LITAF: variants seen among roughly 807,000 people sequenced by gnomAD.
LITAF encodes the protein lipopolysaccharide-induced tumor necrosis factor-alpha factor.
A neutral mutation model predicts 14.5 loss-of-function variants in LITAF; 9 were observed. The observed-to-expected ratio is 0.62, with a 90% CI of 0.37 to 1.08. LITAF has a LOEUF of 1.08. LITAF is among the 50% of genes least tolerant of loss of function. The pLI is 0.01. For synonymous variants in LITAF, 98 were observed against 88.2 expected (o/e 1.11, Z -0.62); for missense variants, 206 against 213.4 (o/e 0.97, Z 0.22).
chr16:11,579,996 C>T (rs776195402), intron 1 of LITAF, among the ~76,000 whole-genome samples: 14 of 152,174 alleles, frequency 9.2e-5, no homozygotes, highest in Admixed American at 4.6e-4. Context: ...TTGAAATCTA[C>T]AGGTTGATTA....
chr16:11,610,861 G>T (rs1396996928), intron 3 of LITAF, among the ~76,000 whole-genome samples: 1 of 152,100 alleles, frequency 6.6e-6, no homozygotes, highest in Non-Finnish European at 1.5e-5. Context: ...GGTGGGGCTG[G>T]GGAAATGTGA....
intron 3 of LITAF, among the ~76,000 whole-genome samples, chr16:11,609,000 A>G (rs923769736): frequency 6.6e-6 from 1 of 151,186 alleles, no homozygotes; most frequent in Non-Finnish European, 1.5e-5. Flanking sequence ...CGCACCGAGT[A>G]TACAGTTCCA....
chr16:11,609,843 G>C (rs1441872354), intron 3 of LITAF, among the ~76,000 whole-genome samples: 1 of 152,152 alleles, frequency 6.6e-6, no homozygotes, highest in Admixed American at 6.5e-5. Flanking sequence ...AAATCCAAAC[G>C]GAAAAGACCA....
intron 1 of LITAF, among the ~76,000 whole-genome samples, chr16:11,577,740 G>C (rs1417587215): frequency 2.0e-5 from 3 of 151,860 alleles, no homozygotes; most frequent in South Asian, 2.1e-4. Flanking sequence ...TTTTGAGACA[G>C]GGTCTCACTC....
chr16:11,600,837 T>A (rs1215038058), upstream of LITAF, among the ~76,000 whole-genome samples: 1 of 151,894 alleles, frequency 6.6e-6, no homozygotes, highest in East Asian at 1.9e-4. The surrounding 1 kb of genome is among the most constrained non-coding windows in gnomAD (Gnocchi z 4.1). Context: ...ATAAAATTCT[T>A]CCCCACCCTC....
Position 11,613,267 on chromosome 16 carries a change from T to G in LITAF, c.85+20266A>C, listed in dbSNP as rs367600023. 8.8e-4 allele frequency among the ~76,000 whole-genome samples: 134 copies of G among 152,302 alleles called. 1 individual carries two copies. Among genetic ancestry groups the G allele is most frequent in the African/African-American group, 3.1e-3 (128 of 41,572 alleles). Reference sequence around the variant, plus strand: ...GTTGACCAGGCTGGTCTCGAACGCCTGACCTCAAGATCACTCTAGTTTTTG... The same window carrying G: ...GTTGACCAGGCTGGTCTCGAACGCCGGACCTCAAGATCACTCTAGTTTTTG... On this transcript the variant is annotated intron_variant, in intron 3 of 3. Transcript: ENST00000574848.
At chr16:11,608,373 G>T (rs1208281176) in intron 3 of LITAF, among the ~76,000 whole-genome samples, 1 of 152,304 alleles carries the variant, frequency 6.6e-6, no homozygotes, top group Admixed American at 6.5e-5. Flanking sequence ...AAGGGGAGGG[G>T]AGTTCCCAGG....
At chr16:11,622,801 A>G (rs1459988791) in intron 3 of LITAF, among the ~76,000 whole-genome samples, 3 of 152,098 alleles carry the variant, frequency 2.0e-5, no homozygotes, top group Non-Finnish European at 4.4e-5. Context: ...TGCTTAGTGG[A>G]TGTTAAGTTG....
intron 1 of LITAF, among the ~76,000 whole-genome samples, chr16:11,574,269 T>C (rs1171336500): frequency 2.0e-5 from 3 of 152,192 alleles, no homozygotes; most frequent in Admixed American, 6.5e-5. Context: ...CTCAAACTCC[T>C]GGGCTAAAGC....
At chr16:11,597,148 C>T (rs563659085) in intron 1 of LITAF, among the ~76,000 whole-genome samples, 63 of 152,154 alleles carry the variant, frequency 4.1e-4, no homozygotes, top group South Asian at 3.1e-3. Context: ...ACTGGGGTAA[C>T]AAGATAGCGG....
intron 3 of LITAF, among the ~76,000 whole-genome samples, chr16:11,604,556 C>G (rs1439494816): frequency 6.6e-6 from 1 of 151,158 alleles, no homozygotes; most frequent in Non-Finnish European, 1.5e-5. Flanking sequence ...CTTGTAATCC[C>G]AGCACTTTGG....
intron 1 of LITAF, among the ~76,000 whole-genome samples, chr16:11,594,992 C>G (rs909006379): frequency 3.3e-5 from 5 of 152,162 alleles, no homozygotes; most frequent in Middle Eastern, 3.2e-3. Context: ...CCTTTTGCTA[C>G]TGTCCATTTT....
In LITAF at chr16:11,553,868, T is replaced by C. The variant is rs563018237; in HGVS notation, c.221-179A>G. 43 of 658,558 alleles carry C rather than the reference T, an allele frequency of 6.5e-5. No homozygotes were observed. The highest frequency in any genetic ancestry group is 1.1e-4 in the Non-Finnish European group (41 of 374,956). The allele number at this position is 658,558 out of a possible 1,614,324, so 40.8% of individuals were successfully genotyped here. Reference sequence around the variant, plus strand: ...GAGCCAAAAGGGGAAGGAACACCAGTGTCCATCGACGGACCAATAAACTAA... The same window carrying C: ...GAGCCAAAAGGGGAAGGAACACCAGCGTCCATCGACGGACCAATAAACTAA... On this transcript the variant is annotated intron_variant, in intron 2 of 3. Coordinates refer to ENST00000622633, the MANE Select transcript of LITAF (RefSeq NM_001136472.2). This position sits in a 1 kb window ranked among gnomAD's most constrained non-coding sequence, Gnocchi z 7.7.
intron 1 of LITAF, among the ~76,000 whole-genome samples, chr16:11,583,984 C>T (rs1267637144): frequency 1.3e-5 from 2 of 152,176 alleles, no homozygotes; most frequent in Non-Finnish European, 2.9e-5. Flanking sequence ...CTGTTGTCAC[C>T]TGTGTCCAGA....
At chr16:11,552,334 A>G (rs1567234733) in intron 3 of LITAF, among the ~76,000 whole-genome samples, 1 of 152,220 alleles carries the variant, frequency 6.6e-6, no homozygotes, top group Non-Finnish European at 1.5e-5. Context: ...CCAGAACAGA[A>G]ACTGTTATCT....
chr16:11,589,286 C>T (rs1302707814), upstream of LITAF, among the ~76,000 whole-genome samples: 1 of 152,194 alleles, frequency 6.6e-6, no homozygotes, highest in Non-Finnish European at 1.5e-5. Context: ...TAGAAGGGAA[C>T]TTCCTCAACC....
intron 1 of LITAF, among the ~76,000 whole-genome samples, chr16:11,582,748 AG>A (rs1307794346): frequency 6.6e-6 from 1 of 152,210 alleles, no homozygotes; most frequent in African/African-American, 2.4e-5. Context: ...AGGGTCAAAA[AG>A]GTCTGGTCTT....
chr16:11,620,370 C>T (rs1206857128), intron 3 of LITAF, among the ~76,000 whole-genome samples: 1 of 152,048 alleles, frequency 6.6e-6, no homozygotes, highest in African/African-American at 2.4e-5. Context: ...CCTCCCAACA[C>T]TATCTCTTGC....
In LITAF at chr16:11,567,776, G is replaced by A. The variant is rs546071681; in HGVS notation, c.-5-11041C>T. On this transcript the variant is annotated intron_variant, in intron 1 of 3. Transcript: ENST00000622633. The stretch of plus-strand genomic sequence containing the variant: ...GAGGTGGGCGGATCACTGGAGGTCA[G>A]GAGTTCAAGACCAGCCTAGCCAACA... Among the ~76,000 whole-genome samples the A allele has an allele frequency of 3.9e-5, 6 of 152,248 alleles. No individual in the cohort carries two copies. In the East Asian group the frequency reaches 1.2e-3, roughly 30 times the overall value.
Sources: allele counts gnomAD v4.1 joint callset (sites outside exome capture counted in the v4.1 genomes callset), GRCh38; gene constraint gnomAD v4.1.1; non-coding constraint Gnocchi (gnomAD v3.1); transcripts MANE v1.5; gene names NCBI Gene and HGNC (gene_info 2026-07-23, HGNC 2026-07-21).